The following RFC4 variants were observed in gnomAD, a reference collection of about 807,000 sequenced individuals.
RFC4 encodes A1 37 kDa subunit.
RFC4 carries 38 observed loss-of-function variants against 47.6 expected under a neutral mutation model. The observed-to-expected ratio is 0.80, with a 90% CI of 0.62 to 1.05. The LOEUF is 1.05. Among genes scored for constraint, RFC4 ranks in the 50% least tolerant of loss-of-function variants. RFC4 has a pLI of 0.00. For missense variants in RFC4, 489 were observed against 434.0 expected (o/e 1.13, Z -1.13); for synonymous variants, 164 against 150.0 (o/e 1.09, Z -0.68).
At chr3:186,802,656 T>G (rs1242682251) in intron 2 of RFC4, among the ~76,000 whole-genome samples, 1 of 152,208 alleles carries the variant, frequency 6.6e-6, no homozygotes, top group East Asian at 1.9e-4. Context: ...TTAGGCTTTG[T>G]GCTTAGTTAA....
rs1330856840 is a variant in RFC4 at position 186,804,697 on chromosome 3, T to C, written c.17A>G (p.Lys6Arg). 6 of 1,612,990 alleles carry C rather than the reference T, an allele frequency of 3.7e-6. No individual in the cohort carries two copies. The highest frequency in any genetic ancestry group is 1.6e-4 in the Middle Eastern group (1 of 6,082). The change falls in exon 2 of 11, where the codon AAA (lysine) becomes AGA (arginine). Residue 6 changes from lysine to arginine, a missense_variant. Lys to Arg is a conservative substitution (Grantham distance 26). Coordinates refer to ENST00000296273, the MANE Select transcript of RFC4 (RefSeq NM_002916.5). MQAFL[K>R]GTSISTKPPL... ...GGGTTTAGTACTGATGGATGTACCT[T>C]TAAGAAATGCTTGCATGGTACTTCA...
chr3:186,793,514 A>G lies in RFC4; in HGVS notation c.411-567T>C, dbSNP rs1156485574. 6.6e-6 allele frequency among the ~76,000 whole-genome samples: 1 copy of G among 152,188 alleles called. No homozygotes were observed. Among genetic ancestry groups the G allele is most frequent in the African/African-American group, 2.4e-5 (1 of 41,450 alleles). ...CTTCCAAGAGGCTGTACCATTTTAC[A>G]TTCCAACCAGCAATGTATGCGGTTT... On this transcript the variant is annotated intron_variant, in intron 5 of 10. Transcript: ENST00000296273. This position sits in a 1 kb window ranked among gnomAD's most constrained non-coding sequence, Gnocchi z 4.2.
chr3:186,799,685 C>T, intron 3 of RFC4, among the ~76,000 whole-genome samples: 1 of 152,040 alleles, frequency 6.6e-6, no homozygotes, highest in Non-Finnish European at 1.5e-5. Context: ...TGCACTCCAG[C>T]CTGCGTGACA....
At position 186,804,672 on chromosome 3, in the gene RFC4, G is replaced by A. The variant is rs1405855086; in HGVS notation, c.42C>T (p.Pro14=). Residue 14 remains proline, a synonymous_variant, in exon 2 of 11, where the codon CCC becomes CCT. Coordinates refer to ENST00000296273, the MANE Select transcript of RFC4 (RefSeq NM_002916.5). ...CTACTCCTCGATCCTTGGTCAGCGG[G>A]GGTTTAGTACTGATGGATGTACCTT... The part of the protein sequence containing the change: ...FLKGTSISTK[P]PLTKDRGVAA... 6.2e-7 allele frequency: 1 copy of A among 1,613,962 alleles called. No homozygotes were observed. The highest frequency in any genetic ancestry group is 1.3e-5 in the African/African-American group (1 of 74,888).
At position 186,792,948 on chromosome 3, in the gene RFC4, C is replaced by T. The variant is rs1442381308; in HGVS notation, c.411-1G>A. 1 of 1,610,992 alleles carries T rather than the reference C, an allele frequency of 6.2e-7. No homozygotes were observed. The highest frequency in any genetic ancestry group is 2.2e-5 in the East Asian group (1 of 44,860). On this transcript the variant is annotated splice_acceptor_variant, in intron 5 of 10. Transcript: ENST00000296273. LOFTEE classifies it high-confidence loss of function. Reference sequence around the variant, plus strand: ...CTTAAAAGGCGGACACGGCTTCCCACTGATTCAGAGAAACACATAAGAGTT... The same window carrying T: ...CTTAAAAGGCGGACACGGCTTCCCATTGATTCAGAGAAACACATAAGAGTT...
Position 186,803,072 on chromosome 3 carries a change from G to A in RFC4, c.131+1511C>T, listed in dbSNP as rs368735779. 9.2e-5 allele frequency among the ~76,000 whole-genome samples: 14 copies of A among 152,330 alleles called. No individual in the cohort carries two copies. In the East Asian group the frequency reaches 1.9e-3, roughly 21 times the overall value. On this transcript the variant is annotated intron_variant, in intron 2 of 10. Coordinates refer to ENST00000296273, the MANE Select transcript of RFC4 (RefSeq NM_002916.5). ...CAAAACATATAAGGGGCTGGGCGCA[G>A]TGACTCACGCCTGTAATCCCAGCAC...
intron 2 of RFC4, 116 bp from the exon 3 acceptor site, chr3:186,801,311 A>G: frequency 1.3e-6 from 1 of 760,438 alleles, no homozygotes; most frequent in Admixed American, 2.4e-5. Flanking sequence ...TCAGCAATGA[A>G]ATGAGAAACT....
rs750246905 is a variant in RFC4 at position 186,791,767 on chromosome 3, A to G, written c.759T>C (p.Gly253=). ...TFLQSATRLT[G]GKEITEKVIT... ...TCACTTTCTCTGTGATCTCCTTTCC[A>G]CCTGTTAATCGAGTAGCGCTTTGAA... is the stretch of plus-strand genomic sequence containing the variant. Residue 253 remains glycine, a synonymous_variant, in exon 8 of 11, where the codon GGT becomes GGC. Transcript: ENST00000296273. 11 of 1,611,670 alleles carry G rather than the reference A, an allele frequency of 6.8e-6. No individual in the cohort carries two copies. The highest frequency in any genetic ancestry group is 2.7e-5 in the African/African-American group (2 of 74,868).
chr3:186,805,934 A>C (rs573707526), intron 1 of RFC4, among the ~76,000 whole-genome samples: 1 of 152,370 alleles, frequency 6.6e-6, no homozygotes, highest in East Asian at 1.9e-4. Context: ...AAAGGAGCTA[A>C]GGCCTATTCC....
intron 3 of RFC4, among the ~76,000 whole-genome samples, chr3:186,798,293 C>T (rs768458200): frequency 1.3e-5 from 2 of 152,100 alleles, no homozygotes; most frequent in African/African-American, 4.8e-5. Flanking sequence ...TAGTTTGGCT[C>T]CTATCAAGCA....
At chr3:186,797,768 A>C (rs1722272589) in intron 3 of RFC4, among the ~76,000 whole-genome samples, 154 bp from the exon 4 acceptor site, 1 of 152,244 alleles carries the variant, frequency 6.6e-6, no homozygotes, top group Admixed American at 6.5e-5. Flanking sequence ...AACTGATATC[A>C]TAGTACTGAC....
Position 186,790,248 on chromosome 3 carries a change from A to C in RFC4, c.890T>G (p.Ile297Arg), listed in dbSNP as rs759554231. Reference sequence around the variant, plus strand: ...CTGAGTTGCTGCATGACCCTCATCTATTAAATCCTATAATAAAAAAAACTT... The same window carrying C: ...CTGAGTTGCTGCATGACCCTCATCTCTTAAATCCTATAATAAAAAAAACTT... ...DKLEAVVKDL[I>R]DEGHAATQLV... is the part of the protein sequence containing the mutation. The change falls in exon 10 of 11, where the codon ATA becomes AGA. Residue 297 changes from isoleucine to arginine, a missense_variant. By Grantham distance (97) the Ile-to-Arg change is moderately conservative. Transcript: ENST00000296273. 6.2e-7 allele frequency: 1 copy of C among 1,612,880 alleles called. No individual in the cohort carries two copies. The highest frequency in any genetic ancestry group is 1.3e-5 in the African/African-American group (1 of 74,848).
chr3:186,797,722 G>A, intron 3 of RFC4, 108 bp from the exon 4 acceptor site: 6 of 658,462 alleles, frequency 9.1e-6, no homozygotes, highest in East Asian at 2.8e-5. Flanking sequence ...TCTCTAATAG[G>A]GCACGTAATT....
intron 3 of RFC4, among the ~76,000 whole-genome samples, chr3:186,798,636 G>A (rs1168951119): frequency 6.6e-6 from 1 of 152,010 alleles, no homozygotes; most frequent in Non-Finnish European, 1.5e-5. Flanking sequence ...AGCTTACAAT[G>A]GCTTCTAACA....
chr3:186,793,943 C>T lies in RFC4; in HGVS notation c.410+715G>A, dbSNP rs1487015531. Among the ~76,000 whole-genome samples, 2 of 152,096 alleles carry T rather than the reference C, an allele frequency of 1.3e-5. No individual in the cohort carries two copies. Among genetic ancestry groups the T allele is most frequent in the African/African-American group, 2.4e-5 (1 of 41,398 alleles). Reference sequence around the variant, plus strand: ...TTCACCATGTTCGCCAGGATGGTCTCGATCTCCTGACCTTGTGATCCACCT... The same window carrying T: ...TTCACCATGTTCGCCAGGATGGTCTTGATCTCCTGACCTTGTGATCCACCT... On this transcript the variant is annotated intron_variant, in intron 5 of 10. Coordinates refer to ENST00000296273, the MANE Select transcript of RFC4 (RefSeq NM_002916.5). This position sits in a 1 kb window ranked among gnomAD's most constrained non-coding sequence, Gnocchi z 4.2.
chr3:186,794,974 A>T, intron 4 of RFC4, 197 bp from the exon 5 acceptor site: 1 of 578,652 alleles, frequency 1.7e-6, no homozygotes, highest in Non-Finnish European at 3.0e-6. Flanking sequence ...ATTTAAAAAA[A>T]TGTAGACATT....
chr3:186,792,481 A>T lies in RFC4; in HGVS notation c.675+9T>A. The T allele has an allele frequency of 6.2e-7, 1 of 1,606,338 alleles. No individual in the cohort carries two copies. Among genetic ancestry groups the T allele is most frequent in the African/African-American group, 1.3e-5 (1 of 74,912 alleles). On this transcript the variant is annotated intron_variant, in intron 7 of 10. Coordinates refer to ENST00000296273, the MANE Select transcript of RFC4 (RefSeq NM_002916.5). ...AGTAACTCTAATAATTGTAATAATTAGTAATTACCTCATCACTAATTTTGA... is the reference window on the plus strand; with the variant it reads ...AGTAACTCTAATAATTGTAATAATTTGTAATTACCTCATCACTAATTTTGA...
At chr3:186,790,458 T>C (rs755060641) in intron 8 of RFC4, 52 bp from the exon 9 acceptor site, 7 of 1,280,710 alleles carry the variant, frequency 5.5e-6, no homozygotes, top group Non-Finnish European at 6.8e-6. Flanking sequence ...AGACTAGACA[T>C]ACACTCTGCC....
chr3:186,792,406 A>C, intron 7 of RFC4, 84 bp downstream of exon 7: 1 of 1,239,344 alleles, frequency 8.1e-7, no homozygotes, highest in Non-Finnish European at 1.2e-6. Flanking sequence ...TTGAGGCAAC[A>C]CACATTTAAA....
Sources: gnomAD v4.1 joint callset for allele counts (sites outside exome capture counted in the v4.1 genomes callset) on GRCh38, gnomAD v4.1.1 for gene constraint, Gnocchi (gnomAD v3.1) non-coding constraint, MANE v1.5 for transcripts, NCBI Gene and HGNC (gene_info 2026-07-23, HGNC 2026-07-21) for gene names.